The following PRMT8 variants were observed in gnomAD, a reference collection of about 807,000 sequenced individuals.
PRMT8 encodes the protein protein arginine N-methyltransferase 8.
A neutral mutation model predicts 47.1 loss-of-function variants in PRMT8; 7 were observed. The observed-to-expected ratio is 0.15, with a 90% confidence interval of 0.08 to 0.28. The LOEUF (loss-of-function observed/expected upper bound fraction) is 0.28, where lower values mean the gene tolerates loss of function less well. Among genes scored for constraint, PRMT8 ranks in the 10% least tolerant of loss-of-function variants. The pLI is 1.00. For missense variants in PRMT8, 237 were observed against 505.4 expected (o/e 0.47, Z 5.09); for synonymous variants, 188 against 186.5 (o/e 1.01, Z -0.07).
At chr12:3,476,800 T>A (rs181180586) in intron 1 of PRMT8, among the ~76,000 whole-genome samples, 1 of 152,320 alleles carries the variant, frequency 6.6e-6, no homozygotes, top group East Asian at 1.9e-4. Context: ...ATTTGTGGGT[T>A]TGGATGTGAG....
At chr12:3,486,353 A>T (rs1274160059), upstream of PRMT8, among the ~76,000 whole-genome samples, 1 of 152,160 alleles carries the variant, frequency 6.6e-6, no homozygotes, top group Non-Finnish European at 1.5e-5. Context: ...CTATTATAAC[A>T]GTTAGTATAT....
intron 1 of PRMT8, among the ~76,000 whole-genome samples, chr12:3,441,596 C>A (rs1162777751): frequency 6.6e-6 from 1 of 152,210 alleles, no homozygotes; most frequent in East Asian, 1.9e-4. Flanking sequence ...GCTCCACATG[C>A]CTGCAGAGGA....
intron 1 of PRMT8, among the ~76,000 whole-genome samples, chr12:3,536,587 C>T (rs1366807634): frequency 6.6e-6 from 1 of 152,198 alleles, no homozygotes; most frequent in Non-Finnish European, 1.5e-5. Context: ...GGAGTCAATA[C>T]TGGGGTCAGC....
At chr12:3,481,112 C>T (rs1245157040) in intron 1 of PRMT8, among the ~76,000 whole-genome samples, 1 of 152,168 alleles carries the variant, frequency 6.6e-6, no homozygotes, top group Non-Finnish European at 1.5e-5. Flanking sequence ...AGAAGACAGA[C>T]CATGGCCCAG....
At chr12:3,479,790 G>A (rs80008668) in intron 1 of PRMT8, among the ~76,000 whole-genome samples, 1 of 152,110 alleles carries the variant, frequency 6.6e-6, no homozygotes, top group African/African-American at 2.4e-5. Context: ...AGGCCTCTTG[G>A]TTCTTGAACC....
intron 4 of PRMT8, among the ~76,000 whole-genome samples, chr12:3,555,437 G>T (rs1866509011): frequency 6.6e-6 from 1 of 152,220 alleles, no homozygotes; most frequent in Non-Finnish European, 1.5e-5. Flanking sequence ...ACTGAGCTTG[G>T]CATGCCCAGA....
intron 1 of PRMT8, chr12:3,469,340 T>G: frequency 2.9e-6 from 1 of 347,184 alleles, no homozygotes; most frequent in African/African-American, 2.2e-5. Context: ...TGGAGAAAGA[T>G]AAAGTGGAAA....
upstream of PRMT8, among the ~76,000 whole-genome samples, chr12:3,490,520 C>CA (rs1327777177): frequency 9.3e-6 from 1 of 107,230 alleles, no homozygotes; most frequent in Non-Finnish European, 1.9e-5. Context: ...AATGCGTGGG[C>CA]AGGGGGCTGC....
rs572917069 is a variant in PRMT8, at chr12:3,576,750, G to A, written c.713-121G>A. 1.9e-5 allele frequency: 14 copies of A among 723,942 alleles called. No homozygotes were observed. The highest frequency in any genetic ancestry group is 3.6e-4 in the Middle Eastern group (1 of 2,744). 44.8% of individuals were successfully genotyped at this position (723,942 alleles called of 1,614,324 possible). On this transcript the variant is annotated intron_variant, in intron 6 of 9. Coordinates refer to ENST00000382622, the MANE Select transcript of PRMT8 (RefSeq NM_019854.5). The surrounding 1 kb of genome is among the most constrained non-coding windows in gnomAD (Gnocchi z 4.0). ...AGGTGAGCAGTTCTGCCTCTATTTC[G>A]ATGCAAGGGAACTCGAGCTGCCACT...
intron 4 of PRMT8, among the ~76,000 whole-genome samples, chr12:3,565,731 A>C (rs1184985281): frequency 6.6e-6 from 1 of 152,210 alleles, no homozygotes. Flanking sequence ...CTTGTAATCC[A>C]TATTGATGAG....
intron 1 of PRMT8, among the ~76,000 whole-genome samples, chr12:3,515,404 T>C (rs1865775313): frequency 6.6e-6 from 1 of 152,184 alleles, no homozygotes; most frequent in African/African-American, 2.4e-5. Context: ...TTAGGAGATA[T>C]ACCTAATGCT....
At chr12:3,529,432 G>A (rs1486093733) in intron 1 of PRMT8, among the ~76,000 whole-genome samples, 3 of 151,964 alleles carry the variant, frequency 2.0e-5, no homozygotes, top group African/African-American at 7.3e-5. Flanking sequence ...CCAGTTTCTT[G>A]GAATCTGTAT....
intron 1 of PRMT8, among the ~76,000 whole-genome samples, chr12:3,483,947 C>T (rs916350377): frequency 6.6e-6 from 1 of 152,110 alleles, no homozygotes; most frequent in African/African-American, 2.4e-5. Flanking sequence ...CGAGTGATGA[C>T]TACTTATAAT....
chr12:3,468,739 G>A (rs1214667578), intron 1 of PRMT8, among the ~76,000 whole-genome samples: 3 of 152,230 alleles, frequency 2.0e-5, no homozygotes, highest in Non-Finnish European at 4.4e-5. Flanking sequence ...TAGCCATTGA[G>A]AAAATAGCCA....
intron 1 of PRMT8, among the ~76,000 whole-genome samples, chr12:3,387,151 A>G (rs922589557): frequency 6.6e-6 from 1 of 152,250 alleles, no homozygotes; most frequent in African/African-American, 2.4e-5. Context: ...ATGTATGTAG[A>G]ATTGCACTAT....
chr12:3,537,834 T>C (rs1013941203), intron 1 of PRMT8, among the ~76,000 whole-genome samples: 1 of 152,186 alleles, frequency 6.6e-6, no homozygotes, highest in Middle Eastern at 3.2e-3. Flanking sequence ...TGACTGGACT[T>C]TGAACATAGC....
At chr12:3,481,818 A>G (rs1011186337) in intron 1 of PRMT8, among the ~76,000 whole-genome samples, 18 of 152,106 alleles carry the variant, frequency 1.2e-4, no homozygotes, top group African/African-American at 4.1e-4. Flanking sequence ...GTGATACTTG[A>G]GCTCCTCTTA....
Position 3,456,337 on chromosome 12 carries a change from G to T in PRMT8, c.48+74895G>T, listed in dbSNP as rs1864972943. Among the ~76,000 whole-genome samples the T allele has an allele frequency of 6.6e-6, 1 of 152,130 alleles. No homozygotes were observed. Among genetic ancestry groups the T allele is most frequent in the African/African-American group, 2.4e-5 (1 of 41,414 alleles). On this transcript the variant is annotated intron_variant, in intron 1 of 9. Transcript: ENST00000452611. The surrounding 1 kb of genome is among the most constrained non-coding windows in gnomAD (Gnocchi z 4.2). The stretch of plus-strand genomic sequence containing the variant: ...TACAAAGTGGAGCTATTAAATAAAT[G>T]TTCACGACATTTTTCTGGATCGTGG...
At chr12:3,506,780 T>G (rs2137124672) in intron 1 of PRMT8, among the ~76,000 whole-genome samples, 1 of 152,242 alleles carries the variant, frequency 6.6e-6, no homozygotes, top group Non-Finnish European at 1.5e-5. Flanking sequence ...GACACACCAC[T>G]CAAGCCTTGC....
Sources: gnomAD v4.1 joint callset for allele counts (sites outside exome capture counted in the v4.1 genomes callset) on GRCh38, gnomAD v4.1.1 for gene constraint, Gnocchi (gnomAD v3.1) non-coding constraint, MANE v1.5 for transcripts, NCBI Gene and HGNC (gene_info 2026-07-23, HGNC 2026-07-21) for gene names.